Variants in TBC1D23 observed in about 807,000 individuals in gnomAD.
TBC1D23 encodes TBC1 domain family member 23, also known as HCV non-structural protein 4A-transactivated protein 1.
Under a neutral mutation model 91.4 loss-of-function variants are expected in TBC1D23, and 55 were observed. The ratio of observed to expected loss-of-function variants is 0.60; its 90% confidence interval spans 0.48 to 0.75. TBC1D23 has a LOEUF of 0.75. Ranked by LOEUF, TBC1D23 falls within the 30% of genes least tolerant of loss-of-function variation. The probability of loss-of-function intolerance (pLI) is 0.00; values close to 1 mark genes in which losing one functional copy is unlikely to be tolerated. For synonymous variants in TBC1D23, 289 were observed against 281.0 expected, an observed-to-expected ratio of 1.03 and a Z score of -0.28; for missense variants, 725 against 836.1, an observed-to-expected ratio of 0.87 and a Z score of 1.64.
chr3:100,314,298 A>G (rs1159434565), intron 15 of TBC1D23, among the ~76,000 whole-genome samples: 1 of 151,984 alleles, frequency 6.6e-6, no homozygotes, highest in Non-Finnish European at 1.5e-5. Context: ...GGGTTTCACC[A>G]TGTTAGCCAG....
intron 15 of TBC1D23, among the ~76,000 whole-genome samples, chr3:100,315,402 T>C (rs1437573242): frequency 6.6e-6 from 1 of 152,094 alleles, no homozygotes; most frequent in Non-Finnish European, 1.5e-5. Context: ...CCTCAGGTGA[T>C]CCACCTACCT....
intron 13 of TBC1D23, among the ~76,000 whole-genome samples, chr3:100,309,172 T>G (rs556616899): frequency 8.7e-5 from 13 of 149,996 alleles, no homozygotes; most frequent in Non-Finnish European, 1.5e-4. Flanking sequence ...GGACTCTGTC[T>G]CAAAACAACA....
At chr3:100,266,333 A>G (rs994925384) in intron 1 of TBC1D23, among the ~76,000 whole-genome samples, 5 of 151,488 alleles carry the variant, frequency 3.3e-5, no homozygotes, top group African/African-American at 4.9e-5. Flanking sequence ...GCAGTGTGCG[A>G]TCTTGGTTCA....
intron 13 of TBC1D23, among the ~76,000 whole-genome samples, chr3:100,306,990 C>T (rs760147394): frequency 2.6e-5 from 4 of 152,188 alleles, no homozygotes; most frequent in Non-Finnish European, 5.9e-5. Flanking sequence ...CTGTACCCAT[C>T]CCCATCACAG....
At chr3:100,290,727 T>A in intron 5 of TBC1D23, 26 bp downstream of exon 5, 1 of 1,546,596 alleles carries the variant, frequency 6.5e-7, no homozygotes, top group Non-Finnish European at 8.7e-7. Flanking sequence ...TAGGAACATT[T>A]AATGAAAAAT....
At chr3:100,305,232 A>G (rs1364328665) in intron 12 of TBC1D23, among the ~76,000 whole-genome samples, 1 of 152,166 alleles carries the variant, frequency 6.6e-6, no homozygotes, top group Non-Finnish European at 1.5e-5. Flanking sequence ...TTTTTATAGT[A>G]TACCCTTTGG....
Position 100,311,746 on chromosome 3 carries a change from A to T in TBC1D23, c.1554-87A>T, listed in dbSNP as rs1330982497. On this transcript the variant is annotated intron_variant, in intron 14 of 18. Transcript: ENST00000394144. ...ATAATGTACACTCTGGGTGAGAAAA[A>T]CTAAACTGTACCATATTTTTTGTTT... 7 of 909,858 alleles carry T rather than the reference A, an allele frequency of 7.7e-6. No individual in the cohort carries two copies. In the African/African-American group the frequency reaches 8.2e-5, roughly 11 times the overall value. 56.4% of individuals were successfully genotyped at this position (909,858 alleles called of 1,614,324 possible). A position where few individuals can be genotyped will look rare whatever the true frequency, so the allele number is the denominator to read the frequency against.
chr3:100,311,386 G>GT (rs1210826219), intron 14 of TBC1D23, among the ~76,000 whole-genome samples: 2 of 152,134 alleles, frequency 1.3e-5, no homozygotes, highest in Admixed American at 6.5e-5. Flanking sequence ...AGCCGAGAAG[G>GT]TAATAGATTA....
At chr3:100,315,154 C>CTTTTTTTTTTT (rs397705981) in intron 15 of TBC1D23, among the ~76,000 whole-genome samples, 1 of 73,664 alleles carries the variant, frequency 1.4e-5, no homozygotes, top group Non-Finnish European at 2.4e-5. Context: ...GAGGCAGATT[C>CTTTTTTTTTTT]TTTTTTTTTT....
chr3:100,306,201 G>T (rs1314707579), intron 12 of TBC1D23, among the ~76,000 whole-genome samples: 1 of 152,114 alleles, frequency 6.6e-6, no homozygotes, highest in Non-Finnish European at 1.5e-5. Flanking sequence ...CATCACATTG[G>T]CGTCAGTTAA....
chr3:100,290,457 C>A, intron 4 of TBC1D23, 121 bp from the exon 5 acceptor site: 1 of 854,464 alleles, frequency 1.2e-6, no homozygotes, highest in Non-Finnish European at 1.9e-6. Context: ...GAGACCTCTG[C>A]CTGCTACTGT....
chr3:100,295,839 A>G (rs529640843), intron 7 of TBC1D23, among the ~76,000 whole-genome samples: 1 of 152,356 alleles, frequency 6.6e-6, no homozygotes, highest in East Asian at 1.9e-4. Flanking sequence ...CACACAAGAC[A>G]AAGTTCTTTA....
chr3:100,301,407 C>T (rs979925618), intron 10 of TBC1D23, among the ~76,000 whole-genome samples: 1 of 152,048 alleles, frequency 6.6e-6, no homozygotes, highest in African/African-American at 2.4e-5. Flanking sequence ...TTGTGATTAC[C>T]GATGAGGTTG....
intron 1 of TBC1D23, among the ~76,000 whole-genome samples, chr3:100,269,140 G>C (rs565217522): frequency 6.6e-6 from 1 of 152,230 alleles, no homozygotes; most frequent in Admixed American, 6.5e-5. Context: ...GTGATCTCTA[G>C]CCCTTTTGCC....
chr3:100,268,095 G>C (rs1031246727), intron 1 of TBC1D23, among the ~76,000 whole-genome samples: 4 of 152,004 alleles, frequency 2.6e-5, no homozygotes, highest in Admixed American at 6.6e-5. Flanking sequence ...TTGCTTTAAC[G>C]GGATGAATCG....
Position 100,319,209 on chromosome 3 carries a change from T to C in TBC1D23, c.1823+5T>C. On this transcript the variant is annotated splice_donor_5th_base_variant and intron_variant, in intron 17 of 18. Transcript: ENST00000394144. ...AAGTGGACACATGTTTCCCAGGTAC[T>C]TTTAAAAATGTCTTCATAAGAAGTA... The C allele has an allele frequency of 6.3e-7, 1 of 1,596,906 alleles. No homozygotes were observed. Among genetic ancestry groups the C allele is most frequent in the Non-Finnish European group, 8.5e-7 (1 of 1,174,640 alleles).
Position 100,287,905 on chromosome 3 carries a change from C to T in TBC1D23, c.477-2673C>T, listed in dbSNP as rs147423263. 3.4e-4 allele frequency among the ~76,000 whole-genome samples: 52 copies of T among 151,938 alleles called. 1 individual carries two copies. In the East Asian group the frequency reaches 9.5e-3, roughly 28 times the overall value. On this transcript the variant is annotated intron_variant, in intron 4 of 18. Transcript: ENST00000394144. ...AGTAGCTGGGACTACACGTACATGC[C>T]ACTCTGCCCTGCTTAAAACACTCCT...
chr3:100,262,519 G>A (rs2067519974), intron 1 of TBC1D23, among the ~76,000 whole-genome samples: 3 of 152,100 alleles, frequency 2.0e-5, no homozygotes, highest in African/African-American at 7.2e-5. Context: ...GAAGTCAGGA[G>A]TTCCAGACCA....
chr3:100,279,513 C>G, intron 1 of TBC1D23, 136 bp from the exon 2 acceptor site: 1 of 567,994 alleles, frequency 1.8e-6, no homozygotes, highest in Non-Finnish European at 3.2e-6. Context: ...GCTGTGTATA[C>G]CTTGGCATTA....
Sources: allele counts gnomAD v4.1 joint callset (sites outside exome capture counted in the v4.1 genomes callset), GRCh38; gene constraint gnomAD v4.1.1; transcripts MANE v1.5; gene names NCBI Gene and HGNC (gene_info 2026-07-23, HGNC 2026-07-21).